SLC24A2: variants seen among roughly 807,000 people sequenced by gnomAD.
SLC24A2 encodes solute carrier family 24 member 2, also known as sodium/potassium/calcium exchanger 2.
A neutral mutation model predicts 62.0 loss-of-function variants in SLC24A2; 36 were observed. That is an observed-to-expected ratio of 0.58 (90% CI 0.44 to 0.77). The LOEUF (loss-of-function observed/expected upper bound fraction) is 0.77. Among genes scored for constraint, SLC24A2 ranks in the 30% least tolerant of loss-of-function variants. The pLI is 0.00. For synonymous variants in SLC24A2, 358 were observed against 294.0 expected (o/e 1.22, Z -2.23); for missense variants, 846 against 817.9 (o/e 1.03, Z -0.42).
At chr9:19,834,419 A>T in the SLC24A2 span, among the ~76,000 whole-genome samples, 1 of 151,988 alleles carries the variant, frequency 6.6e-6, no homozygotes, top group Non-Finnish European at 1.5e-5. Flanking sequence ...TGAGAACTAC[A>T]TGACGAATGC....
the SLC24A2 span, among the ~76,000 whole-genome samples, chr9:20,032,330 T>G: frequency 1.3e-5 from 2 of 152,224 alleles, no homozygotes; most frequent in African/African-American, 2.4e-5. Context: ...CCACAGCAAT[T>G]AAGCCACCAG....
At chr9:20,032,434 A>G in the SLC24A2 span, among the ~76,000 whole-genome samples, 1 of 152,080 alleles carries the variant, frequency 6.6e-6, no homozygotes, top group Non-Finnish European at 1.5e-5. Flanking sequence ...ATTAGTTTGT[A>G]AAGTGCAATA....
the SLC24A2 span, among the ~76,000 whole-genome samples, chr9:19,945,619 A>G: frequency 3.3e-5 from 5 of 152,140 alleles, no homozygotes; most frequent in Admixed American, 1.3e-4. Context: ...ACCTTACTAT[A>G]TCATCACATG....
the SLC24A2 span, among the ~76,000 whole-genome samples, chr9:20,249,888 T>C: frequency 2.6e-5 from 4 of 152,146 alleles, no homozygotes; most frequent in Non-Finnish European, 5.9e-5. Context: ...GCCTTACACA[T>C]AGACTCATCT....
At chr9:20,084,826 GA>G in the SLC24A2 span, among the ~76,000 whole-genome samples, 1 of 151,702 alleles carries the variant, frequency 6.6e-6, no homozygotes, top group Admixed American at 6.6e-5. Flanking sequence ...GCTCAGTTTT[GA>G]AAAAGAAAAA....
chr9:19,915,221 A>G, the SLC24A2 span, among the ~76,000 whole-genome samples: 3 of 152,082 alleles, frequency 2.0e-5, no homozygotes, highest in African/African-American at 7.2e-5. Flanking sequence ...TCCTTAGCAT[A>G]ATGTTTTCAA....
At chr9:19,765,274 T>G (rs1240408482) in intron 2 of SLC24A2, among the ~76,000 whole-genome samples, 1 of 152,068 alleles carries the variant, frequency 6.6e-6, no homozygotes, top group Non-Finnish European at 1.5e-5. Context: ...TGCCTTTTAA[T>G]TGGGGAATTT....
chr9:20,037,849 A>G, the SLC24A2 span, among the ~76,000 whole-genome samples: 1 of 152,214 alleles, frequency 6.6e-6, no homozygotes, highest in African/African-American at 2.4e-5. Context: ...AACATTCCAC[A>G]AGGAAGAGCC....
the SLC24A2 span, among the ~76,000 whole-genome samples, chr9:19,964,709 G>C: frequency 1.9e-4 from 29 of 152,202 alleles, no homozygotes; most frequent in Non-Finnish European, 3.5e-4. Flanking sequence ...AAGGGAAGCA[G>C]TGGCCATTTC....
intron 2 of SLC24A2, among the ~76,000 whole-genome samples, chr9:19,643,814 CAT>C (rs1230539788): frequency 1.3e-5 from 2 of 152,202 alleles, no homozygotes; most frequent in African/African-American, 4.8e-5. Context: ...GTGACATTGA[CAT>C]GTGTGACACT....
At chr9:20,257,020 C>A in the SLC24A2 span, among the ~76,000 whole-genome samples, 312 of 152,080 alleles carry the variant, frequency 2.1e-3, 1 homozygote, top group African/African-American at 7.3e-3. Context: ...CTTGTATTTG[C>A]CTTTGGTTAC....
At chr9:20,044,055 A>G in the SLC24A2 span, among the ~76,000 whole-genome samples, 1 of 152,192 alleles carries the variant, frequency 6.6e-6, no homozygotes, top group Non-Finnish European at 1.5e-5. Flanking sequence ...ATCAACGTCA[A>G]GACAAGACCC....
chr9:20,091,425 GA>G, the SLC24A2 span, among the ~76,000 whole-genome samples: 1 of 152,028 alleles, frequency 6.6e-6, no homozygotes, highest in Non-Finnish European at 1.5e-5. Flanking sequence ...AGGCCAGAAT[GA>G]AAGAATATTA....
chr9:20,245,410 G>A, the SLC24A2 span, among the ~76,000 whole-genome samples: 3 of 152,186 alleles, frequency 2.0e-5, no homozygotes, highest in Non-Finnish European at 4.4e-5. Flanking sequence ...CCAAAGAGAG[G>A]TGGAAGTCTA....
chr9:19,764,341 T>C lies in SLC24A2; in HGVS notation c.930+21596A>G, dbSNP rs1362608744. Reference sequence around the variant, plus strand: ...AGTTCTGCTCTGATCTTACTTCTACTGGCTTTTGAATTTGTTTGCTCTTGC... The same window carrying C: ...AGTTCTGCTCTGATCTTACTTCTACCGGCTTTTGAATTTGTTTGCTCTTGC... On this transcript the variant is annotated intron_variant, in intron 2 of 10. Coordinates refer to ENST00000341998, the MANE Select transcript of SLC24A2 (RefSeq NM_020344.4). Among the ~76,000 whole-genome samples the C allele has an allele frequency of 3.3e-5, 5 of 151,632 alleles. No individual in the cohort carries two copies. The South Asian group carries it at 8.3e-4, about 25-fold the overall frequency.
chr9:19,695,357 A>G (rs1264304682), intron 2 of SLC24A2, among the ~76,000 whole-genome samples: 1 of 152,132 alleles, frequency 6.6e-6, no homozygotes, highest in East Asian at 1.9e-4. Context: ...GGGCTTTGGA[A>G]TATGATTGGC....
intron 2 of SLC24A2, among the ~76,000 whole-genome samples, chr9:19,772,417 T>C (rs1246207604): frequency 6.6e-6 from 1 of 152,214 alleles, no homozygotes; most frequent in African/African-American, 2.4e-5. Context: ...GCTGTATCTA[T>C]GGAGCACATT....
the SLC24A2 span, among the ~76,000 whole-genome samples, chr9:19,822,480 G>A: frequency 4.6e-5 from 7 of 152,040 alleles, no homozygotes; most frequent in Non-Finnish European, 8.8e-5. Context: ...TCTCCCCACC[G>A]ATGTCTCATC....
intron 2 of SLC24A2, among the ~76,000 whole-genome samples, chr9:19,679,799 C>T (rs1819662408): frequency 6.6e-6 from 1 of 151,696 alleles, no homozygotes; most frequent in Non-Finnish European, 1.5e-5. Flanking sequence ...CTTCCACAAT[C>T]ACAATAGCTA....
Sources: gnomAD v4.1 joint callset for allele counts (sites outside exome capture counted in the v4.1 genomes callset) on GRCh38, gnomAD v4.1.1 for gene constraint, MANE v1.5 for transcripts, NCBI Gene and HGNC (gene_info 2026-07-23, HGNC 2026-07-21) for gene names.